Variants in PDE1A observed in about 807,000 individuals in gnomAD.
PDE1A encodes dual specificity calcium/calmodulin-dependent 3',5'-cyclic nucleotide phosphodiesterase 1A.
PDE1A carries 35 observed loss-of-function variants against 61.7 expected under a neutral mutation model. The ratio of observed to expected loss-of-function variants is 0.57; its 90% confidence interval spans 0.43 to 0.75. PDE1A has a LOEUF of 0.75. Among genes scored for constraint, PDE1A ranks in the 30% least tolerant of loss-of-function variants. The pLI, the probability that PDE1A is intolerant of heterozygous loss-of-function variation, is 0.00. For synonymous variants in PDE1A, 232 were observed against 213.2 expected (o/e 1.09, Z -0.77); for missense variants, 597 against 630.6 (o/e 0.95, Z 0.57).
At chr2:182,185,296 G>A (rs891768872) in intron 13 of PDE1A, among the ~76,000 whole-genome samples, 12 of 152,148 alleles carry the variant, frequency 7.9e-5, no homozygotes, top group Admixed American at 6.6e-5. Flanking sequence ...ATTCCTGCAC[G>A]AAAGATAATA....
At chr2:182,556,542 A>C in the PDE1A span, among the ~76,000 whole-genome samples, 1 of 152,204 alleles carries the variant, frequency 6.6e-6, no homozygotes, top group South Asian at 2.1e-4. Flanking sequence ...AAAACAAGGA[A>C]GCTAACCCTC....
intron 2 of PDE1A, among the ~76,000 whole-genome samples, chr2:182,454,834 A>T (rs1320183931): frequency 6.6e-6 from 1 of 151,368 alleles, no homozygotes; most frequent in Non-Finnish European, 1.5e-5. Context: ...AACCTAGGCA[A>T]TACGATTGAG....
intron 1 of PDE1A, among the ~76,000 whole-genome samples, chr2:182,380,895 T>TA (rs1219126927): frequency 1.3e-5 from 2 of 152,146 alleles, no homozygotes; most frequent in Non-Finnish European, 2.9e-5. Flanking sequence ...TGAAGAGCAC[T>TA]AAAAAATGCA....
intron 1 of PDE1A, among the ~76,000 whole-genome samples, chr2:182,334,916 AC>A (rs1697685773): frequency 1.3e-5 from 2 of 152,222 alleles, no homozygotes; most frequent in Non-Finnish European, 2.9e-5. Context: ...CTGATGAGCA[AC>A]TTCAGCAAAG....
chr2:182,454,477 A>G (rs1685760217), intron 2 of PDE1A, among the ~76,000 whole-genome samples: 1 of 152,124 alleles, frequency 6.6e-6, no homozygotes, highest in South Asian at 2.1e-4. Flanking sequence ...CCTAAGCCAA[A>G]AGAACAAAGC....
At chr2:182,533,040 C>T in the PDE1A span, among the ~76,000 whole-genome samples, 1,642 of 146,292 alleles carry the variant, frequency 0.011, 20 homozygotes, top group Middle Eastern at 0.044. Flanking sequence ...AGAGGCCAGG[C>T]GCGGCTCAGT....
intron 1 of PDE1A, among the ~76,000 whole-genome samples, chr2:182,403,785 A>G (rs1435085566): frequency 1.3e-5 from 2 of 151,974 alleles, no homozygotes; most frequent in Admixed American, 6.6e-5. Flanking sequence ...GTTGAATAGG[A>G]GAACACATGG....
At chr2:182,671,343 T>TA in the PDE1A span, among the ~76,000 whole-genome samples, 1 of 111,366 alleles carries the variant, frequency 9.0e-6, no homozygotes, top group Non-Finnish European at 2.0e-5. Context: ...GGCTAATTTT[T>TA]TTTTTTTTTT....
chr2:182,536,778 C>A, the PDE1A span, among the ~76,000 whole-genome samples: 2 of 152,188 alleles, frequency 1.3e-5, no homozygotes, highest in Non-Finnish European at 2.9e-5. Flanking sequence ...CTTTCCAAGA[C>A]TAGATCATAA....
At chr2:182,148,283 G>C (rs1242652550) in intron 13 of PDE1A, among the ~76,000 whole-genome samples, 3 of 152,040 alleles carry the variant, frequency 2.0e-5, no homozygotes, top group Admixed American at 1.3e-4. Context: ...TGTGTGGAGG[G>C]GGGTGGGGTG....
intron 13 of PDE1A, among the ~76,000 whole-genome samples, chr2:182,157,297 G>A (rs969876021): frequency 2.0e-5 from 3 of 152,136 alleles, no homozygotes; most frequent in African/African-American, 7.2e-5. Flanking sequence ...TTACAGGTGT[G>A]AGCCACTGTG....
At chr2:182,563,541 G>T in the PDE1A span, among the ~76,000 whole-genome samples, 1 of 152,142 alleles carries the variant, frequency 6.6e-6, no homozygotes, top group East Asian at 1.9e-4. Flanking sequence ...TGTTGATTTG[G>T]GGTGGAGAGT....
the PDE1A span, among the ~76,000 whole-genome samples, chr2:182,645,462 G>A: frequency 1.9e-4 from 29 of 152,204 alleles, no homozygotes; most frequent in African/African-American, 6.7e-4. Context: ...CCATTCAAGC[G>A]TGGTTGGCAT....
At chr2:182,367,243 A>G (rs937906625) in intron 1 of PDE1A, among the ~76,000 whole-genome samples, 2 of 152,054 alleles carry the variant, frequency 1.3e-5, no homozygotes, top group African/African-American at 4.8e-5. Flanking sequence ...TAGGAAAACT[A>G]TTTCTTATTG....
At chr2:182,229,957 T>C (rs377156430) in intron 6 of PDE1A, 49 bp downstream of exon 6, 7 of 1,500,208 alleles carry the variant, frequency 4.7e-6, no homozygotes, top group African/African-American at 1.4e-5. Flanking sequence ...GGAATGGAAG[T>C]TTGGAATGCT....
At chr2:182,194,425 G>A (rs1267210613) in intron 10 of PDE1A, among the ~76,000 whole-genome samples, 4 of 152,052 alleles carry the variant, frequency 2.6e-5, no homozygotes, top group Non-Finnish European at 5.9e-5. Flanking sequence ...AAATAAAGCA[G>A]CATCCTCCAA....
intron 13 of PDE1A, among the ~76,000 whole-genome samples, chr2:182,171,029 C>T (rs1692164567): frequency 6.6e-6 from 1 of 151,906 alleles, no homozygotes; most frequent in African/African-American, 2.4e-5. Context: ...AAAAACACTT[C>T]TAGTTTTGTT....
intron 2 of PDE1A, among the ~76,000 whole-genome samples, chr2:182,445,000 G>T (rs1685042849): frequency 6.6e-6 from 1 of 151,958 alleles, no homozygotes; most frequent in South Asian, 2.1e-4. Context: ...GTTTTTATTG[G>T]CTGTAGAAAA....
chr2:182,304,615 C>A (rs576618543), intron 1 of PDE1A, among the ~76,000 whole-genome samples: 64 of 152,208 alleles, frequency 4.2e-4, no homozygotes, highest in Admixed American at 3.5e-3. Flanking sequence ...AGAGGTCATT[C>A]TAAGGTTAAC....
Sources: gnomAD v4.1 joint callset for allele counts (sites outside exome capture counted in the v4.1 genomes callset) on GRCh38, gnomAD v4.1.1 for gene constraint, MANE v1.5 for transcripts, NCBI Gene and HGNC (gene_info 2026-07-23, HGNC 2026-07-21) for gene names.